Variants in ODAD2 observed in about 807,000 individuals in gnomAD.
ODAD2 encodes the protein outer dynein arm-docking complex subunit 2.
A neutral mutation model predicts 106.8 loss-of-function variants in ODAD2; 89 were observed. The ratio of observed to expected loss-of-function variants is 0.83; its 90% CI spans 0.70 to 0.99. ODAD2 has a LOEUF of 0.99. Ranked by LOEUF, ODAD2 falls within the 50% of genes least tolerant of loss-of-function variation. The probability of loss-of-function intolerance (pLI) is 0.00; values close to 1 mark genes in which losing one functional copy is unlikely to be tolerated. For synonymous variants in ODAD2, 404 were observed against 436.2 expected (o/e 0.93, Z 0.92); for missense variants, 1,168 against 1,238.5 (o/e 0.94, Z 0.85).
chr10:27,856,736 G>A (rs1380356193), intron 19 of ODAD2, among the ~76,000 whole-genome samples: 1 of 152,126 alleles, frequency 6.6e-6, no homozygotes, highest in African/African-American at 2.4e-5. Context: ...AAAGGCCGAG[G>A]TGGGTGGATC....
At chr10:27,946,357 T>TGAA (rs1171298036) in intron 10 of ODAD2, among the ~76,000 whole-genome samples, 2 of 151,494 alleles carry the variant, frequency 1.3e-5, no homozygotes, top group African/African-American at 4.8e-5. Context: ...AATCTTCTTG[T>TGAA]GAATTCAACA....
At chr10:27,895,612 T>C (rs1842809755) in intron 17 of ODAD2, among the ~76,000 whole-genome samples, 1 of 152,194 alleles carries the variant, frequency 6.6e-6, no homozygotes, top group African/African-American at 2.4e-5. Flanking sequence ...AAACTGCATA[T>C]AACTCAAAAT....
chr10:27,835,687 A>C (rs2133054049), intron 19 of ODAD2, among the ~76,000 whole-genome samples: 1 of 152,300 alleles, frequency 6.6e-6, no homozygotes, highest in East Asian at 1.9e-4. Flanking sequence ...GAGAAGTTTA[A>C]CAGAGAATAA....
chr10:27,900,710 A>G (rs1318612243), intron 17 of ODAD2, among the ~76,000 whole-genome samples: 1 of 152,226 alleles, frequency 6.6e-6, no homozygotes, highest in African/African-American at 2.4e-5. Flanking sequence ...AAGAAAGGTT[A>G]TCAGATATTG....
At chr10:27,935,340 C>G (rs922861532) in intron 15 of ODAD2, 88 bp from the exon 16 acceptor site, 5 of 1,472,058 alleles carry the variant, frequency 3.4e-6, no homozygotes, top group Admixed American at 3.7e-5. Flanking sequence ...TTACAACAAC[C>G]CAATGATACA....
At chr10:27,848,613 C>T (rs1042034884) in intron 19 of ODAD2, among the ~76,000 whole-genome samples, 5 of 152,106 alleles carry the variant, frequency 3.3e-5, no homozygotes, top group Non-Finnish European at 5.9e-5. Context: ...ACCATCAGAG[C>T]AAACAGGCAA....
In ODAD2 at chr10:27,851,842, A is replaced by C. The variant is rs112850473; in HGVS notation, c.3021+8783T>G. Reference sequence around the variant, plus strand: ...CTCAGAAGCTTAGCAAAGTCCAAGCACAAGAAACATGAAGGAAACTACACA... The same window carrying C: ...CTCAGAAGCTTAGCAAAGTCCAAGCCCAAGAAACATGAAGGAAACTACACA... On this transcript the variant is annotated intron_variant, in intron 19 of 19. Coordinates refer to ENST00000305242, the MANE Select transcript of ODAD2 (RefSeq NM_018076.5). Among the ~76,000 whole-genome samples the C allele has an allele frequency of 1.4e-3, 211 of 152,338 alleles. 1 individual carries two copies. Among genetic ancestry groups the C allele is most frequent in the African/African-American group, 4.9e-3 (205 of 41,578 alleles).
chr10:27,974,660 TG>T (rs1849072962), intron 7 of ODAD2, among the ~76,000 whole-genome samples: 1 of 151,760 alleles, frequency 6.6e-6, no homozygotes, highest in Non-Finnish European at 1.5e-5. Flanking sequence ...AGTTGGGTAG[TG>T]TGATACCTCC....
rs75772038 is a variant in ODAD2 at position 27,851,943 on chromosome 10, A to G, written c.3021+8682T>C. Among the ~76,000 whole-genome samples the G allele has an allele frequency of 9.8e-5, 15 of 152,336 alleles. No homozygotes were observed. The East Asian group carries it at 2.9e-3, about 29-fold the overall frequency. On this transcript the variant is annotated intron_variant, in intron 19 of 19. Transcript: ENST00000305242. ...AAAAACAGCCAACGCAAAAAGATACATGACATACAGAGGAACAAACATAAG... is the reference window on the plus strand; with the variant it reads ...AAAAACAGCCAACGCAAAAAGATACGTGACATACAGAGGAACAAACATAAG...
intron 19 of ODAD2, among the ~76,000 whole-genome samples, chr10:27,825,453 C>T (rs1589758542): frequency 6.6e-6 from 1 of 152,282 alleles, no homozygotes; most frequent in East Asian, 1.9e-4. Context: ...TAGAAATGGC[C>T]ATGAGTCTTT....
At chr10:27,919,021 C>T (rs1489840000) in intron 16 of ODAD2, among the ~76,000 whole-genome samples, 1 of 151,520 alleles carries the variant, frequency 6.6e-6, no homozygotes, top group Non-Finnish European at 1.5e-5. Flanking sequence ...ATTGCAACTA[C>T]AAGGTATTGC....
intron 19 of ODAD2, among the ~76,000 whole-genome samples, chr10:27,846,943 C>A (rs1050616457): frequency 1.3e-5 from 2 of 152,208 alleles, no homozygotes; most frequent in Admixed American, 6.5e-5. Context: ...AGCCTACCAA[C>A]CAAAAAAATT....
chr10:27,940,261 A>ATATG lies in ODAD2; in HGVS notation c.1987-255_1987-254insCATA, dbSNP rs58108383. On this transcript the variant is annotated intron_variant, in intron 13 of 19. Coordinates refer to ENST00000305242, the MANE Select transcript of ODAD2 (RefSeq NM_018076.5). ...GTGATATATATATAAATGTCAGTAT[A>ATATG]TGTGATATATATATAAATGCCAGTA... is the stretch of plus-strand genomic sequence containing the variant. Among the ~76,000 whole-genome samples the ATATG allele has an allele frequency of 0.48, 70,671 of 148,646 alleles. 17,607 individuals are homozygous for ATATG. The highest frequency in any genetic ancestry group is 0.63 in the Middle Eastern group (181 of 288).
intron 19 of ODAD2, among the ~76,000 whole-genome samples, chr10:27,849,120 C>A (rs974252656): frequency 2.0e-5 from 3 of 152,224 alleles, no homozygotes; most frequent in African/African-American, 7.2e-5. Context: ...TACTGCGTCA[C>A]TGTTCACAAT....
rs764460220 is a variant in ODAD2, at chr10:27,812,541, G to A, written c.3106C>T (p.Leu1036Phe). The part of the protein sequence containing the change: ...GCISNIRRLA[L>F]ATEKARYT ...GTGTATCTTGCCTTCTCTGTAGCAA[G>A]AGCCAGCCTGCGGATATTGGATATA... Residue 1036 changes from leucine (L) to phenylalanine (F), a missense_variant, in exon 20 of 20, where the codon CTT (leucine) becomes TTT (phenylalanine). Transcript: ENST00000305242. The A allele has an allele frequency of 8.1e-6, 13 of 1,613,056 alleles. No homozygotes were observed. The South Asian group carries it at 1.3e-4, about 16-fold the overall frequency.
At position 27,961,681 on chromosome 10, in the gene ODAD2, C is replaced by T. The variant is rs147175768; in HGVS notation, c.1273G>A (p.Asp425Asn). The T allele has an allele frequency of 1.5e-5, 22 of 1,471,746 alleles. No homozygotes were observed. Among genetic ancestry groups the T allele is most frequent in the Non-Finnish European group, 2.0e-5 (21 of 1,061,664 alleles). The allele number at this position is 1,471,746 out of a possible 1,614,324, so 91.2% of individuals were successfully genotyped here. The change falls in exon 10 of 20, where the codon GAT becomes AAT. Residue 425 changes from aspartate (D) to asparagine (N), a missense_variant. Asp to Asn is a conservative substitution (Grantham distance 23, BLOSUM62 1). This residue lies in a region of ODAD2 where 37 missense variants were observed against 74.1 expected (regional missense o/e 0.50). Coordinates refer to ENST00000305242, the MANE Select transcript of ODAD2 (RefSeq NM_018076.5). ...SAEKIEETVS[D>N]SSSESEEDEE... ...TCTTCCTCACTTTCTGAGGAGCTAT[C>T]GCTAACAGTTTCCTCAATCTTTTCA...
At chr10:27,846,188 G>A (rs192298876) in intron 19 of ODAD2, among the ~76,000 whole-genome samples, 1,772 of 152,256 alleles carry the variant, frequency 0.012, 10 homozygotes, top group Non-Finnish European at 0.019. Context: ...GCACTCCTCA[G>A]CAAATGTAAA....
chr10:27,953,209 AAT>A (rs1408038542), intron 10 of ODAD2, among the ~76,000 whole-genome samples: 1 of 152,174 alleles, frequency 6.6e-6, no homozygotes, highest in African/African-American at 2.4e-5. Flanking sequence ...TTAAGTGCAC[AAT>A]ATATATTGTT....
intron 19 of ODAD2, among the ~76,000 whole-genome samples, chr10:27,847,741 A>G (rs1838889403): frequency 6.6e-6 from 1 of 152,156 alleles, no homozygotes; most frequent in African/African-American, 2.4e-5. Flanking sequence ...TACAAAATCA[A>G]TGTGCAGAAA....
Sources: gnomAD v4.1 joint callset for allele counts (sites outside exome capture counted in the v4.1 genomes callset) on GRCh38, gnomAD v4.1.1 for gene constraint, gnomAD v4.1.1 regional missense constraint, MANE v1.5 for transcripts, NCBI Gene and HGNC (gene_info 2026-07-23, HGNC 2026-07-21) for gene names.